Variants in MKLN1 observed in about 807,000 individuals in gnomAD.
The protein encoded by MKLN1 is muskelin.
In MKLN1, 18 loss-of-function variants were observed where a neutral mutation model predicts 99.0. That is an observed-to-expected ratio of 0.18 (90% confidence interval 0.13 to 0.27). MKLN1 has a LOEUF of 0.27. Among genes scored for constraint, MKLN1 ranks in the 10% least tolerant of loss-of-function variants. The pLI is 1.00. For synonymous variants in MKLN1, 288 were observed against 293.2 expected (o/e 0.98, Z 0.18); for missense variants, 621 against 875.9 (o/e 0.71, Z 3.67).
intron 1 of MKLN1, among the ~76,000 whole-genome samples, chr7:131,346,709 T>C (rs1799573211): frequency 1.3e-5 from 2 of 152,326 alleles, no homozygotes; most frequent in Admixed American, 1.3e-4. Context: ...GTTTGCACTT[T>C]CGAATTACTT....
At chr7:131,372,834 C>G (rs1358365110) in intron 1 of MKLN1, among the ~76,000 whole-genome samples, 1 of 151,030 alleles carries the variant, frequency 6.6e-6, no homozygotes, top group East Asian at 2.0e-4. Context: ...GGGTTCAAAT[C>G]CTTACTTAGC....
chr7:131,247,235 CTT>C (rs72068521), intron 3 of MKLN1, among the ~76,000 whole-genome samples: 12 of 141,116 alleles, frequency 8.5e-5, no homozygotes, highest in African/African-American at 7.9e-5. Flanking sequence ...TTTCTTTTTT[CTT>C]TTTTTTTTTT....
chr7:131,410,950 C>T (rs1215920381), intron 6 of MKLN1, among the ~76,000 whole-genome samples: 1 of 152,056 alleles, frequency 6.6e-6, no homozygotes, highest in Non-Finnish European at 1.5e-5. Context: ...CAGTTCACTC[C>T]CTTTTCCTTC....
intron 2 of MKLN1, among the ~76,000 whole-genome samples, chr7:131,169,559 A>G (rs776753729): frequency 3.5e-4 from 53 of 152,336 alleles, no homozygotes; most frequent in Non-Finnish European, 4.1e-4. Context: ...AGGATCTGGA[A>G]GCTCTTTTTT....
Position 131,363,730 on chromosome 7 carries a change from A to T in MKLN1, c.99-11694A>T, listed in dbSNP as rs59219822. 6.5e-3 allele frequency among the ~76,000 whole-genome samples: 957 copies of T among 147,918 alleles called. 9 individuals carry two copies. Among genetic ancestry groups the T allele is most frequent in the African/African-American group, 0.023 (901 of 40,022 alleles). ...TAATTAAAATATTTTCAGAGAGGTG[A>T]TTTTTTTCTTTTTTTGTACCATCCC... On this transcript the variant is annotated intron_variant, in intron 1 of 17. Transcript: ENST00000352689.
At chr7:131,181,660 ATTT>A (rs3078424) in intron 2 of MKLN1, among the ~76,000 whole-genome samples, 1 of 135,940 alleles carries the variant, frequency 7.4e-6, no homozygotes, top group African/African-American at 2.7e-5. Context: ...CCTCATCCCT[ATTT>A]TTTTTTTTTT....
At chr7:131,236,154 T>C (rs1159737550) in intron 3 of MKLN1, among the ~76,000 whole-genome samples, 1 of 152,204 alleles carries the variant, frequency 6.6e-6, no homozygotes, top group Non-Finnish European at 1.5e-5. Context: ...CAGTAAGATG[T>C]CTGCTTGATA....
intron 17 of MKLN1, among the ~76,000 whole-genome samples, chr7:131,479,385 C>A (rs560453965): frequency 1.3e-5 from 2 of 152,088 alleles, no homozygotes; most frequent in East Asian, 3.9e-4. Flanking sequence ...TTTTAATTAG[C>A]CAGGTGTAGT....
intron 8 of MKLN1, among the ~76,000 whole-genome samples, chr7:131,416,128 TATA>T (rs1349673946): frequency 1.3e-5 from 2 of 152,324 alleles, no homozygotes; most frequent in Admixed American, 1.3e-4. Flanking sequence ...TGTAGTTTGC[TATA>T]ATAATATACT....
intron 6 of MKLN1, among the ~76,000 whole-genome samples, chr7:131,405,568 A>G: frequency 6.6e-6 from 1 of 151,970 alleles, no homozygotes; most frequent in East Asian, 1.9e-4. Flanking sequence ...GACTTTGAAA[A>G]TTTCCCTTAT....
chr7:131,320,212 T>C (rs1019994653), intron 3 of MKLN1, among the ~76,000 whole-genome samples: 10 of 152,186 alleles, frequency 6.6e-5, no homozygotes, highest in South Asian at 4.1e-4. Flanking sequence ...AACAGCATGA[T>C]ACTGGTACCA....
At chr7:131,311,681 A>G (rs1798566456) in intron 3 of MKLN1, among the ~76,000 whole-genome samples, 1 of 152,216 alleles carries the variant, frequency 6.6e-6, no homozygotes, top group Non-Finnish European at 1.5e-5. Flanking sequence ...GTCACTGTAA[A>G]ATAGTATTCA....
intron 3 of MKLN1, among the ~76,000 whole-genome samples, chr7:131,292,210 G>GT (rs781062080): frequency 1.3e-5 from 2 of 151,844 alleles, no homozygotes; most frequent in Non-Finnish European, 2.9e-5. Flanking sequence ...AAAAATGATA[G>GT]TTTTTTTTGC....
At chr7:131,229,362 C>T (rs1797207089) in intron 3 of MKLN1, among the ~76,000 whole-genome samples, 1 of 151,926 alleles carries the variant, frequency 6.6e-6, no homozygotes, top group Non-Finnish European at 1.5e-5. Flanking sequence ...TCCCCCACCC[C>T]CACACCCGAT....
At chr7:131,300,930 T>G (rs1237934480) in intron 3 of MKLN1, among the ~76,000 whole-genome samples, 1 of 152,204 alleles carries the variant, frequency 6.6e-6, no homozygotes, top group Non-Finnish European at 1.5e-5. Context: ...GGTTTCTTCA[T>G]GCTGGCTTTT....
intron 1 of MKLN1, among the ~76,000 whole-genome samples, chr7:131,338,700 C>T (rs1481941876): frequency 1.3e-5 from 2 of 152,118 alleles, no homozygotes; most frequent in Non-Finnish European, 2.9e-5. Context: ...AATGTAAAAA[C>T]GTACGACTTG....
intron 3 of MKLN1, among the ~76,000 whole-genome samples, chr7:131,248,162 G>A (rs1797523607): frequency 6.6e-6 from 1 of 152,074 alleles, no homozygotes; most frequent in South Asian, 2.1e-4. Context: ...CTAGGCTCAA[G>A]TGATCTGCCT....
chr7:131,444,152 C>A (rs113246061), intron 11 of MKLN1, among the ~76,000 whole-genome samples: 2 of 151,960 alleles, frequency 1.3e-5, no homozygotes, highest in Non-Finnish European at 2.9e-5. Context: ...AAGTTTGAGA[C>A]GAGCCTGGCC....
chr7:131,359,579 A>G (rs1799970167), intron 1 of MKLN1, among the ~76,000 whole-genome samples: 1 of 152,090 alleles, frequency 6.6e-6, no homozygotes, highest in South Asian at 2.1e-4. Flanking sequence ...ACTGACAGGG[A>G]TATTGATGTG....
Sources: gnomAD v4.1 joint callset for allele counts (sites outside exome capture counted in the v4.1 genomes callset) on GRCh38, gnomAD v4.1.1 for gene constraint, MANE v1.5 for transcripts, NCBI Gene and HGNC (gene_info 2026-07-23, HGNC 2026-07-21) for gene names.